The following GPD2 variants were observed in gnomAD, a reference collection of about 807,000 sequenced individuals.
GPD2 encodes the protein glycerol-3-phosphate dehydrogenase 2.
In GPD2, 54 loss-of-function variants were observed where a neutral mutation model predicts 82.4. The observed-to-expected ratio is 0.66, with a 90% CI of 0.53 to 0.82. The LOEUF (loss-of-function observed/expected upper bound fraction) is 0.82. Ranked by LOEUF, GPD2 falls within the 40% of genes least tolerant of loss-of-function variation. The pLI is 0.00. For missense variants in GPD2, 748 were observed against 896.2 expected (o/e 0.83, Z 2.11); for synonymous variants, 288 against 306.1 (o/e 0.94, Z 0.62).
the GPD2 span, among the ~76,000 whole-genome samples, chr2:156,408,698 C>A: frequency 6.7e-6 from 1 of 149,448 alleles, no homozygotes; most frequent in Non-Finnish European, 1.5e-5. Context: ...TGTGATTGCC[C>A]CACTGCACCT....
rs1688108945 is a variant in GPD2, at chr2:156,583,566, A to G, written c.*648A>G. 6.4e-6 allele frequency: 1 copy of G among 156,264 alleles called. No individual in the cohort carries two copies. The highest frequency in any genetic ancestry group is 2.4e-5 in the African/African-American group (1 of 41,442). The allele number at this position is 156,264 out of a possible 1,614,324, so 9.7% of individuals were successfully genotyped here. A position where few individuals can be genotyped will look rare whatever the true frequency, so the allele number is the denominator to read the frequency against. On this transcript the variant is annotated 3_prime_UTR_variant, in exon 17 of 17. Coordinates refer to ENST00000438166, the MANE Select transcript of GPD2 (RefSeq NM_000408.5). ...GGTTACTGGAGCAAGTCTCAAAGAG[A>G]AACTCTGAAAGCTTCCAGAATCACA...
At chr2:156,474,939 GAA>G (rs1194567887) in intron 1 of GPD2, among the ~76,000 whole-genome samples, 1 of 120,352 alleles carries the variant, frequency 8.3e-6, no homozygotes. Flanking sequence ...TGTCTCTACA[GAA>G]AAAAAAAAAA....
At position 156,486,906 on chromosome 2, in the gene GPD2, T is replaced by C. The variant is rs895401961; in HGVS notation, c.103-9138T>C. ...CTAGATTATAAAGCTTGGAACCGGC[T>C]GGTTGGCTCAGTTGGGCATCATTTT... is the stretch of plus-strand genomic sequence containing the variant. On this transcript the variant is annotated intron_variant, in intron 2 of 16. Coordinates refer to ENST00000438166, the MANE Select transcript of GPD2 (RefSeq NM_000408.5). 3.9e-5 allele frequency among the ~76,000 whole-genome samples: 6 copies of C among 152,326 alleles called. No homozygotes were observed. In the South Asian group the frequency reaches 1.2e-3, roughly 32 times the overall value.
At chr2:156,548,642 T>C (rs1198323727) in intron 6 of GPD2, among the ~76,000 whole-genome samples, 1 of 152,194 alleles carries the variant, frequency 6.6e-6, no homozygotes, top group East Asian at 1.9e-4. Context: ...ATAAACCATT[T>C]ATACTAAATG....
intron 2 of GPD2, among the ~76,000 whole-genome samples, chr2:156,494,637 C>T (rs945664444): frequency 6.6e-6 from 1 of 152,130 alleles, no homozygotes; most frequent in African/African-American, 2.4e-5. Flanking sequence ...CTCTTGGTAA[C>T]GCCTGAGATT....
chr2:156,423,627 GA>G, the GPD2 span, among the ~76,000 whole-genome samples: 1 of 152,104 alleles, frequency 6.6e-6, no homozygotes, highest in African/African-American at 2.4e-5. Flanking sequence ...CTAAGTTACA[GA>G]ATATATTTTA....
At chr2:156,427,743 G>A in the GPD2 span, among the ~76,000 whole-genome samples, 1 of 152,206 alleles carries the variant, frequency 6.6e-6, no homozygotes, top group African/African-American at 2.4e-5. Flanking sequence ...TTACAGCAAT[G>A]AAAATTTATT....
chr2:156,455,450 A>T lies in GPD2; in HGVS notation c.-9+18937A>T, dbSNP rs116332317. Reference sequence around the variant, plus strand: ...ATCCTTTGTCTAATGACAAAGTCCAAATTCCTTTGACTCGTATATAAGATT... The same window carrying T: ...ATCCTTTGTCTAATGACAAAGTCCATATTCCTTTGACTCGTATATAAGATT... On this transcript the variant is annotated intron_variant, in intron 1 of 16. Coordinates refer to ENST00000438166, the MANE Select transcript of GPD2 (RefSeq NM_000408.5). Among the ~76,000 whole-genome samples, 1,220 of 152,272 alleles carry T rather than the reference A, an allele frequency of 8.0e-3. 5 individuals carry two copies. The highest frequency in any genetic ancestry group is 0.012 in the Non-Finnish European group (786 of 68,006).
At position 156,519,220 on chromosome 2, in the gene GPD2, C is replaced by G. The variant is rs1012741930; in HGVS notation, c.661+5724C>G. Among the ~76,000 whole-genome samples, 7 of 151,204 alleles carry G rather than the reference C, an allele frequency of 4.6e-5. No homozygotes were observed. The South Asian group carries it at 6.3e-4, about 14-fold the overall frequency. On this transcript the variant is annotated intron_variant, in intron 6 of 16. Coordinates refer to ENST00000438166, the MANE Select transcript of GPD2 (RefSeq NM_000408.5). ...TCAGTTTAATTTTTTTGGGGGGGGG[C>G]CACTAGTAATTTGTCATTATTTTAT...
At chr2:156,449,856 C>CAAAAAAA (rs70987037) in intron 1 of GPD2, among the ~76,000 whole-genome samples, 4 of 83,982 alleles carry the variant, frequency 4.8e-5, no homozygotes, top group Non-Finnish European at 9.1e-5. Flanking sequence ...ACTAAATATA[C>CAAAAAAA]AAAAAAAAAA....
chr2:156,401,145 C>G, the GPD2 span, among the ~76,000 whole-genome samples: 246 of 152,268 alleles, frequency 1.6e-3, no homozygotes, highest in African/African-American at 5.5e-3. Context: ...GAAGTCAAAA[C>G]TTGCATTGGC....
the GPD2 span, among the ~76,000 whole-genome samples, chr2:156,408,152 G>A: frequency 2.0e-5 from 3 of 151,744 alleles, no homozygotes; most frequent in South Asian, 6.2e-4. Context: ...ATGGGGTTTT[G>A]CTATGTTGCC....
chr2:156,464,986 G>A (rs1290318817), intron 1 of GPD2, among the ~76,000 whole-genome samples: 1 of 151,936 alleles, frequency 6.6e-6, no homozygotes, highest in South Asian at 2.1e-4. Context: ...GAGTAGCTGG[G>A]ACTACAGGCA....
At chr2:156,515,993 G>T (rs957777834) in intron 6 of GPD2, among the ~76,000 whole-genome samples, 31 of 152,166 alleles carry the variant, frequency 2.0e-4, no homozygotes, top group African/African-American at 7.0e-4. Flanking sequence ...GTAGGTAAAA[G>T]AATTAAATGA....
chr2:156,555,708 GA>G (rs1308866666), intron 8 of GPD2, among the ~76,000 whole-genome samples: 24 of 152,022 alleles, frequency 1.6e-4, no homozygotes, highest in African/African-American at 4.3e-4. Flanking sequence ...TAAATACAAA[GA>G]AAAAATAATC....
chr2:156,482,937 G>T (rs1683787969), intron 2 of GPD2, among the ~76,000 whole-genome samples: 1 of 152,112 alleles, frequency 6.6e-6, no homozygotes, highest in Non-Finnish European at 1.5e-5. Context: ...GCAAAGTGAT[G>T]CATGGATAAT....
At position 156,549,594 on chromosome 2, in the gene GPD2, T is replaced by G; in HGVS notation, c.662-14T>G. The G allele has an allele frequency of 2.5e-6, 4 of 1,613,582 alleles. No homozygotes were observed. The highest frequency in any genetic ancestry group is 3.4e-6 in the Non-Finnish European group (4 of 1,179,494). On this transcript the variant is annotated splice_polypyrimidine_tract_variant and intron_variant, in intron 6 of 16. Transcript: ENST00000438166. ...GTGACTCCTCTCCCTCCCCTGATGC[T>G]TTCCCCGCTGCAGGACAACATAACG...
chr2:156,514,449 G>T (rs1461622145), intron 6 of GPD2, among the ~76,000 whole-genome samples: 17 of 149,656 alleles, frequency 1.1e-4, no homozygotes, highest in African/African-American at 4.2e-4. Context: ...TCTAGTATTA[G>T]ATATCTAAAC....
rs917904916 is a variant in GPD2, at chr2:156,495,976, G to T, written c.103-68G>T. The T allele has an allele frequency of 6.1e-6, 7 of 1,155,314 alleles. No homozygotes were observed. In the African/African-American group the frequency reaches 9.1e-5, roughly 15 times the overall value. 71.6% of individuals were successfully genotyped at this position (1,155,314 alleles called of 1,614,324 possible). On this transcript the variant is annotated intron_variant, in intron 2 of 16. Transcript: ENST00000438166. ...TATTTCTATTAGAAATTTCCTTTTA[G>T]TATATTGTAAAATTTGTTAAATTGA...
Sources: allele counts gnomAD v4.1 joint callset (sites outside exome capture counted in the v4.1 genomes callset), GRCh38; gene constraint gnomAD v4.1.1; transcripts MANE v1.5; gene names NCBI Gene and HGNC (gene_info 2026-07-23, HGNC 2026-07-21).